The following SNX9 variants were observed in gnomAD, a reference collection of about 807,000 sequenced individuals.
SNX9 encodes sorting nexin-9.
In SNX9, 44 loss-of-function variants were observed where a neutral mutation model predicts 89.4. That is an observed-to-expected ratio of 0.49 (90% CI 0.39 to 0.63). The LOEUF is 0.63. SNX9 is among the 30% of genes least tolerant of loss of function. The probability of loss-of-function intolerance (pLI) is 0.00; values close to 1 mark genes in which losing one functional copy is unlikely to be tolerated. For synonymous variants in SNX9, 236 were observed against 247.8 expected (o/e 0.95, Z 0.45); for missense variants, 578 against 736.1 (o/e 0.79, Z 2.49).
chr6:157,902,014 A>G lies in SNX9; in HGVS notation c.589A>G (p.Ser197Gly), dbSNP rs924149245. The change falls in exon 6 of 18, where the codon AGT (serine) becomes GGT (glycine). Residue 197 changes from serine (S) to glycine (G), a missense_variant. Physicochemically the swap from Ser to Gly is moderately conservative, Grantham distance 56. Coordinates refer to ENST00000392185, the MANE Select transcript of SNX9 (RefSeq NM_016224.5). The part of the protein sequence containing the change: ...GGAQRGNSRA[S>G]SSSMKIPLNK... ...CGCTCAGCGAGGAAACAGTCGTGCT[A>G]GTTCCTCATCCATGAAAATTCCCCT... is the stretch of plus-strand genomic sequence containing the variant. The G allele has an allele frequency of 6.2e-7, 1 of 1,613,590 alleles. No homozygotes were observed. Among genetic ancestry groups the G allele is most frequent in the African/African-American group, 1.3e-5 (1 of 74,892 alleles).
At chr6:157,936,665 AATCTG>A (rs1783931678) in intron 14 of SNX9, among the ~76,000 whole-genome samples, 1 of 152,198 alleles carries the variant, frequency 6.6e-6, no homozygotes, top group Non-Finnish European at 1.5e-5. Flanking sequence ...CTTATCTGTT[AATCTG>A]CAGTGGTAGT....
intron 1 of SNX9, among the ~76,000 whole-genome samples, chr6:157,862,230 A>G (rs200273705): frequency 2.1e-4 from 32 of 152,352 alleles, no homozygotes; most frequent in Admixed American, 3.9e-4. Context: ...GGACAAATAC[A>G]TCAACATATG....
chr6:157,941,123 C>A (rs567698267), intron 17 of SNX9, 149 bp downstream of exon 17: 4 of 661,090 alleles, frequency 6.1e-6, no homozygotes, highest in African/African-American at 5.5e-5. Context: ...TTTTTTTAAT[C>A]TCCTAATTCC....
chr6:157,873,619 TTA>T (rs1782461084), intron 3 of SNX9, among the ~76,000 whole-genome samples: 1 of 147,816 alleles, frequency 6.8e-6, no homozygotes, highest in Admixed American at 6.8e-5. Flanking sequence ...GTATTATAAA[TTA>T]TATAAATTAT....
intron 9 of SNX9, among the ~76,000 whole-genome samples, chr6:157,914,693 G>T (rs1306623483): frequency 2.0e-5 from 3 of 151,854 alleles, no homozygotes; most frequent in Non-Finnish European, 2.9e-5. Flanking sequence ...GCCTAGGCTG[G>T]TCTCGAAGTC....
chr6:157,839,509 C>T (rs180894046), intron 1 of SNX9, among the ~76,000 whole-genome samples: 1 of 152,232 alleles, frequency 6.6e-6, no homozygotes, highest in East Asian at 1.9e-4. Context: ...TACTGCTTCA[C>T]TTTCCTTATC....
At chr6:157,920,167 T>C (rs1783553776) in intron 9 of SNX9, among the ~76,000 whole-genome samples, 1 of 152,234 alleles carries the variant, frequency 6.6e-6, no homozygotes, top group Non-Finnish European at 1.5e-5. Flanking sequence ...CCCTGGCTTT[T>C]ACTTTCTACC....
intron 1 of SNX9, among the ~76,000 whole-genome samples, chr6:157,832,713 T>C (rs1049804292): frequency 6.6e-6 from 1 of 151,996 alleles, no homozygotes. Flanking sequence ...TATAAAACCA[T>C]CAGATCTTGT....
intron 7 of SNX9, among the ~76,000 whole-genome samples, chr6:157,907,691 T>C (rs1363418913): frequency 1.3e-5 from 2 of 152,200 alleles, no homozygotes; most frequent in Non-Finnish European, 2.9e-5. Flanking sequence ...ACTGCACCCA[T>C]GCACCCAGTA....
intron 2 of SNX9, among the ~76,000 whole-genome samples, chr6:157,868,344 T>C (rs1209377151): frequency 6.6e-6 from 1 of 152,232 alleles, no homozygotes; most frequent in African/African-American, 2.4e-5. Flanking sequence ...TGTATACATA[T>C]GTACACATAG....
chr6:157,874,737 C>A, intron 3 of SNX9: 1 of 227,056 alleles, frequency 4.4e-6, no homozygotes, highest in Non-Finnish European at 8.7e-6. Flanking sequence ...GCCCTGAGAC[C>A]ACAATGGAAT....
rs1783211969 is a variant in SNX9 at position 157,906,197 on chromosome 6, G to A, written c.690G>A (p.Glu230=). 6.3e-7 allele frequency: 1 copy of A among 1,599,818 alleles called. No homozygotes were observed. Among genetic ancestry groups the A allele is most frequent in the African/African-American group, 1.4e-5 (1 of 73,822 alleles). The part of the protein sequence containing the change: ...LLAKQLAKPK[E]KIPIIVGDYG... ...CCAAACAACTAGCAAAACCCAAAGA[G>A]AAAATTCCCATCATTGTAAGTTTGT... Residue 230 remains glutamate (E), a synonymous_variant, in exon 7 of 18, where the codon GAG becomes GAA. Coordinates refer to ENST00000392185, the MANE Select transcript of SNX9 (RefSeq NM_016224.5).
intron 1 of SNX9, among the ~76,000 whole-genome samples, chr6:157,838,228 G>T (rs1048943003): frequency 2.0e-5 from 3 of 151,942 alleles, no homozygotes; most frequent in African/African-American, 7.3e-5. Flanking sequence ...GCCCAGGCTG[G>T]TCTTGAACTC....
Position 157,909,920 on chromosome 6 carries a change from T to C in SNX9, c.844T>C (p.Ser282Pro), listed in dbSNP as rs144693196. The C allele has an allele frequency of 9.9e-5, 159 of 1,613,988 alleles. No individual in the cohort carries two copies. Among genetic ancestry groups the C allele is most frequent in the African/African-American group, 2.7e-5 (2 of 74,928 alleles). Residue 282 changes from serine to proline, a missense_variant, in exon 9 of 18, where the codon TCT (serine) becomes CCT (proline). This residue lies in a region of SNX9 where 348 missense variants were observed against 491.4 expected (regional missense o/e 0.71). Transcript: ENST00000392185. Reference sequence around the variant, plus strand: ...CCTTATTTTGTAGAACACTAATCGATCTGTAAACCACAGGTATAAGCACTT... The same window carrying C: ...CCTTATTTTGTAGAACACTAATCGACCTGTAAACCACAGGTATAAGCACTT... ...YQLTPTNTNR[S>P]VNHRYKHFDW...
At chr6:157,869,136 T>C (rs2886221) in intron 2 of SNX9, among the ~76,000 whole-genome samples, 124,525 of 152,254 alleles carry the variant, frequency 0.82, 51,665 homozygotes, top group African/African-American at 0.96. Context: ...CTGTAGAACA[T>C]GTTGGATCCC....
intron 4 of SNX9, among the ~76,000 whole-genome samples, chr6:157,883,987 T>C (rs1005709108): frequency 9.2e-5 from 14 of 152,254 alleles, no homozygotes; most frequent in African/African-American, 2.9e-4. Flanking sequence ...TTTTCAGTTA[T>C]AAATACATCA....
chr6:157,941,686 C>CA (rs1765122464), intron 17 of SNX9, among the ~76,000 whole-genome samples: 3 of 152,194 alleles, frequency 2.0e-5, no homozygotes, highest in Middle Eastern at 3.2e-3. Flanking sequence ...GAGTGGTGAG[C>CA]AAGCCCTCTG....
At chr6:157,914,452 C>G (rs919910751) in intron 9 of SNX9, among the ~76,000 whole-genome samples, 5 of 133,668 alleles carry the variant, frequency 3.7e-5, no homozygotes, top group African/African-American at 1.5e-4. Context: ...TGTGGCTTGG[C>G]TTGTCATTTT....
intron 9 of SNX9, among the ~76,000 whole-genome samples, chr6:157,913,044 G>T (rs1248599762): frequency 4.6e-5 from 7 of 152,178 alleles, no homozygotes; most frequent in Admixed American, 4.6e-4. Context: ...ATAGGATAAT[G>T]AACTCTGGGT....
Sources: allele counts gnomAD v4.1 joint callset (sites outside exome capture counted in the v4.1 genomes callset), GRCh38; gene constraint gnomAD v4.1.1; regional missense constraint gnomAD v4.1.1; transcripts MANE v1.5; gene names NCBI Gene and HGNC (gene_info 2026-07-23, HGNC 2026-07-21).